The following ATRNL1 variants were observed in gnomAD, a reference collection of about 807,000 sequenced individuals.
ATRNL1 encodes attractin-like protein 1.
A neutral mutation model predicts 182.7 loss-of-function variants in ATRNL1; 95 were observed. That is an observed-to-expected ratio of 0.52 (90% confidence interval 0.44 to 0.62). The LOEUF is 0.62. Among genes scored for constraint, ATRNL1 ranks in the 20% least tolerant of loss-of-function variants. ATRNL1 has a pLI of 0.00. For missense variants in ATRNL1, 1,471 were observed against 1,679.5 expected (o/e 0.88, Z 2.17); for synonymous variants, 576 against 568.3 (o/e 1.01, Z -0.19).
intron 20 of ATRNL1, among the ~76,000 whole-genome samples, chr10:115,397,012 A>G (rs1844321700): frequency 6.6e-6 from 1 of 151,922 alleles, no homozygotes; most frequent in African/African-American, 2.4e-5. Context: ...TGTAGGTGGT[A>G]TTTGTACACA....
intron 27 of ATRNL1, among the ~76,000 whole-genome samples, chr10:115,809,544 T>G (rs1555086449): frequency 2.0e-5 from 3 of 152,034 alleles, no homozygotes; most frequent in Non-Finnish European, 4.4e-5. Context: ...GTACCTAAAT[T>G]TTTGATACTA....
chr10:115,186,308 C>CA (rs1386270200), intron 8 of ATRNL1, among the ~76,000 whole-genome samples: 2 of 151,632 alleles, frequency 1.3e-5, no homozygotes, highest in African/African-American at 2.4e-5. Flanking sequence ...GGAGGTTCCT[C>CA]AAAAAAACTA....
chr10:115,771,584 A>G (rs1229000554), intron 27 of ATRNL1, among the ~76,000 whole-genome samples: 2 of 152,170 alleles, frequency 1.3e-5, no homozygotes, highest in Non-Finnish European at 2.9e-5. Flanking sequence ...ATCTCTCAGC[A>G]TTTTTAGAAA....
intron 21 of ATRNL1, among the ~76,000 whole-genome samples, chr10:115,454,062 C>A (rs1436654677): frequency 6.6e-6 from 1 of 151,942 alleles, no homozygotes; most frequent in Non-Finnish European, 1.5e-5. Context: ...AGTCTTTAAT[C>A]CACTTTGAAT....
intron 19 of ATRNL1, among the ~76,000 whole-genome samples, chr10:115,362,214 T>C (rs1039996274): frequency 1.3e-5 from 2 of 152,124 alleles, no homozygotes; most frequent in African/African-American, 4.8e-5. Flanking sequence ...TCATATTTAT[T>C]TATATAAAAA....
chr10:115,535,256 A>G lies in ATRNL1; in HGVS notation c.3717-14202A>G, dbSNP rs868942275. On this transcript the variant is annotated intron_variant, in intron 25 of 28. Transcript: ENST00000355044. ...ACTTTCAGGTACACCGATCAGACGT[A>G]GATGTGGTCTTTTCACATAATCCCA... 3.6e-3 allele frequency among the ~76,000 whole-genome samples: 550 copies of G among 151,968 alleles called. 2 individuals carry two copies. Among genetic ancestry groups the G allele is most frequent in the Middle Eastern group, 0.014 (4 of 294 alleles).
At chr10:115,361,551 TACATATGC>T (rs1554944221) in intron 19 of ATRNL1, among the ~76,000 whole-genome samples, 1 of 152,098 alleles carries the variant, frequency 6.6e-6, no homozygotes, top group Admixed American at 6.6e-5. Flanking sequence ...TGTATTTTCA[TACATATGC>T]ACAACCTCAC....
Position 115,727,348 on chromosome 10 carries a change from C to T in ATRNL1, c.3896C>T (p.Pro1299Leu). The T allele has an allele frequency of 6.2e-7, 1 of 1,613,270 alleles. No individual in the cohort carries two copies. The highest frequency in any genetic ancestry group is 1.1e-5 in the South Asian group (1 of 91,022). The change falls in exon 27 of 29, where the codon CCA becomes CTA. Residue 1299 changes from proline to leucine, a missense_variant. By Grantham distance (98) the Pro-to-Leu change is moderately conservative (BLOSUM62 -3). Coordinates refer to ENST00000355044, the MANE Select transcript of ATRNL1 (RefSeq NM_207303.4). ...GAACAAACAGAGTTTCTGCGAGGGC[C>T]ATTAGAGGTAGGAACAGCGGTGCTG... ...GAEQTEFLRG[P>L]LEGAPKPIAI...
At chr10:115,591,711 C>T (rs1277167677) in intron 26 of ATRNL1, among the ~76,000 whole-genome samples, 2 of 152,118 alleles carry the variant, frequency 1.3e-5, no homozygotes, top group African/African-American at 2.4e-5. Flanking sequence ...GTCCAAAACG[C>T]GTATATACTT....
chr10:115,793,406 A>G (rs550039695), intron 27 of ATRNL1, among the ~76,000 whole-genome samples: 2 of 152,226 alleles, frequency 1.3e-5, no homozygotes, highest in Non-Finnish European at 2.9e-5. Flanking sequence ...GATGATTATT[A>G]TCTGTGTTAA....
chr10:115,941,950 T>C (rs1953743355), intron 28 of ATRNL1, among the ~76,000 whole-genome samples: 1 of 152,230 alleles, frequency 6.6e-6, no homozygotes, highest in African/African-American at 2.4e-5. Flanking sequence ...ATGTAAACTT[T>C]GAACTTGTAA....
At chr10:115,526,619 C>T (rs1243229926) in intron 25 of ATRNL1, among the ~76,000 whole-genome samples, 16 of 152,176 alleles carry the variant, frequency 1.1e-4, no homozygotes, top group Non-Finnish European at 2.2e-4. Context: ...TGGATGTTGT[C>T]CTCTTAGCCT....
At chr10:115,322,374 A>G (rs1234959662) in intron 18 of ATRNL1, among the ~76,000 whole-genome samples, 3 of 151,888 alleles carry the variant, frequency 2.0e-5, no homozygotes, top group Non-Finnish European at 4.4e-5. Flanking sequence ...CCATGGCCCC[A>G]AACCATCAGG....
chr10:115,772,751 C>T (rs1305535543), intron 27 of ATRNL1, among the ~76,000 whole-genome samples: 1 of 152,060 alleles, frequency 6.6e-6, no homozygotes, highest in Admixed American at 6.6e-5. Flanking sequence ...TTGGCAAAAA[C>T]TAAACCTGTG....
At chr10:115,367,945 A>T (rs1857149754) in intron 19 of ATRNL1, among the ~76,000 whole-genome samples, 1 of 151,378 alleles carries the variant, frequency 6.6e-6, no homozygotes, top group Non-Finnish European at 1.5e-5. Flanking sequence ...GGGACATTTA[A>T]GTCTGCAGAG....
rs1033638019 is a variant in ATRNL1 at position 115,332,106 on chromosome 10, A to C, written c.3038-2176A>C. On this transcript the variant is annotated intron_variant, in intron 18 of 28. Transcript: ENST00000355044. ...CTCTTCATGGGCTGATGCAGAAGCA[A>C]ATCTCCCATGAAGGGATTCAGGATG... 2.0e-5 allele frequency among the ~76,000 whole-genome samples: 3 copies of C among 152,262 alleles called. No individual in the cohort carries two copies. The South Asian group carries it at 6.2e-4, about 32-fold the overall frequency.
chr10:115,249,693 G>C (rs1056061867), intron 10 of ATRNL1, among the ~76,000 whole-genome samples: 1 of 151,912 alleles, frequency 6.6e-6, no homozygotes, highest in Non-Finnish European at 1.5e-5. Flanking sequence ...GTATTCCAGA[G>C]AGTGTATATT....
intron 19 of ATRNL1, among the ~76,000 whole-genome samples, chr10:115,351,949 G>A (rs1856278577): frequency 6.6e-6 from 1 of 151,996 alleles, no homozygotes; most frequent in African/African-American, 2.4e-5. Context: ...CTGATATTGG[G>A]CTTTTCTTTG....
chr10:115,550,411 T>A (rs1554995253), intron 26 of ATRNL1, among the ~76,000 whole-genome samples: 2 of 151,856 alleles, frequency 1.3e-5, no homozygotes, highest in African/African-American at 4.8e-5. Context: ...TTTAAAGACA[T>A]GTAAAAATAA....
Sources: gnomAD v4.1 joint callset for allele counts (sites outside exome capture counted in the v4.1 genomes callset) on GRCh38, gnomAD v4.1.1 for gene constraint, MANE v1.5 for transcripts, NCBI Gene and HGNC (gene_info 2026-07-23, HGNC 2026-07-21) for gene names.